Variants in RGL1 observed in about 807,000 individuals in gnomAD.
The protein encoded by RGL1 is ral guanine nucleotide dissociation stimulator-like 1.
A neutral mutation model predicts 95.2 loss-of-function variants in RGL1; 24 were observed. The observed-to-expected ratio is 0.25, with a 90% CI of 0.18 to 0.35. The LOEUF (loss-of-function observed/expected upper bound fraction) is 0.35. Ranked by LOEUF, RGL1 falls within the 10% of genes least tolerant of loss-of-function variation. The pLI, the probability that RGL1 is intolerant of heterozygous loss-of-function variation, is 1.00. For synonymous variants in RGL1, 329 were observed against 344.9 expected, an observed-to-expected ratio of 0.95 and a Z score of 0.51; for missense variants, 715 against 936.3, an observed-to-expected ratio of 0.76 and a Z score of 3.08.
intron 2 of RGL1, among the ~76,000 whole-genome samples, chr1:183,823,149 A>G (rs1662608554): frequency 6.6e-6 from 1 of 152,180 alleles, no homozygotes. Context: ...ATAAGTTAAA[A>G]ATGGTTAAAT....
chr1:183,782,602 C>T (rs983292737), intron 2 of RGL1, among the ~76,000 whole-genome samples: 3 of 152,124 alleles, frequency 2.0e-5, no homozygotes, highest in Admixed American at 6.5e-5. Context: ...CACATGAGAG[C>T]TACTCAGATA....
intron 3 of RGL1, among the ~76,000 whole-genome samples, chr1:183,859,849 G>T (rs1361774028): frequency 1.3e-5 from 2 of 152,160 alleles, no homozygotes; most frequent in South Asian, 4.1e-4. Context: ...ACCTTTCCAA[G>T]GTAGGCTTGG....
chr1:183,684,079 A>C (rs1379090787), intron 1 of RGL1, among the ~76,000 whole-genome samples: 1 of 151,934 alleles, frequency 6.6e-6, no homozygotes, highest in Non-Finnish European at 1.5e-5. Flanking sequence ...ACCTTTTTTC[A>C]AGGTTCTTAG....
chr1:183,801,482 C>T (rs1466764588), upstream of RGL1, among the ~76,000 whole-genome samples: 1 of 152,130 alleles, frequency 6.6e-6, no homozygotes, highest in East Asian at 1.9e-4. Flanking sequence ...ATTTGCTGCA[C>T]AGAAGCTTTT....
chr1:183,676,308 T>G (rs1354809699), intron 1 of RGL1, among the ~76,000 whole-genome samples: 1 of 152,146 alleles, frequency 6.6e-6, no homozygotes, highest in Non-Finnish European at 1.5e-5. Flanking sequence ...ACTATGTATG[T>G]GCACTGTATC....
chr1:183,826,362 C>T (rs1170136142), intron 2 of RGL1, among the ~76,000 whole-genome samples: 1 of 152,206 alleles, frequency 6.6e-6, no homozygotes, highest in Non-Finnish European at 1.5e-5. Context: ...CTCCTTAACA[C>T]CACTGTCTAA....
intron 1 of RGL1, among the ~76,000 whole-genome samples, chr1:183,651,316 T>C (rs185389474): frequency 6.0e-4 from 91 of 152,350 alleles, no homozygotes; most frequent in Non-Finnish European, 1.1e-3. Context: ...TGCAACAGAA[T>C]ATATTTTTCA....
chr1:183,689,525 C>G (rs1653817812), intron 1 of RGL1, among the ~76,000 whole-genome samples: 1 of 152,178 alleles, frequency 6.6e-6, no homozygotes, highest in Non-Finnish European at 1.5e-5. Flanking sequence ...ATAGTTGCTC[C>G]TTTCTATTGC....
chr1:183,788,991 T>C (rs1660315911), intron 2 of RGL1, among the ~76,000 whole-genome samples: 1 of 152,254 alleles, frequency 6.6e-6, no homozygotes. Flanking sequence ...GAGATTGTTT[T>C]CTTTGGGAAG....
intron 1 of RGL1, among the ~76,000 whole-genome samples, chr1:183,736,455 G>A (rs975640208): frequency 6.6e-6 from 1 of 152,164 alleles, no homozygotes; most frequent in Non-Finnish European, 1.5e-5. Flanking sequence ...AGAATTAACT[G>A]TAGCTTCATG....
chr1:183,740,181 C>G (rs1351854987), intron 1 of RGL1, among the ~76,000 whole-genome samples: 1 of 152,178 alleles, frequency 6.6e-6, no homozygotes, highest in Non-Finnish European at 1.5e-5. Context: ...GGACTGAAAT[C>G]TCTACATGAC....
intron 2 of RGL1, among the ~76,000 whole-genome samples, chr1:183,808,153 C>T (rs1661467384): frequency 6.6e-6 from 1 of 152,122 alleles, no homozygotes; most frequent in Non-Finnish European, 1.5e-5. Flanking sequence ...ACTCTGTAGG[C>T]CCCACATCTA....
intron 2 of RGL1, among the ~76,000 whole-genome samples, chr1:183,745,842 T>G (rs904398182): frequency 6.6e-6 from 1 of 152,180 alleles, no homozygotes; most frequent in Non-Finnish European, 1.5e-5. Flanking sequence ...TGGATTTCAG[T>G]AAATTTGTTG....
At chr1:183,801,798 A>AGAGAGGAGG (rs1661007324), upstream of RGL1, among the ~76,000 whole-genome samples, 2 of 152,220 alleles carry the variant, frequency 1.3e-5, no homozygotes, top group Non-Finnish European at 2.9e-5. Flanking sequence ...TGCAGAGATC[A>AGAGAGGAGG]CATGGTGAGA....
At chr1:183,697,562 T>G (rs754075119) in intron 1 of RGL1, among the ~76,000 whole-genome samples, 5 of 152,234 alleles carry the variant, frequency 3.3e-5, no homozygotes, top group Non-Finnish European at 5.9e-5. Context: ...ATTTTAATCA[T>G]TTTAAATTCT....
At chr1:183,643,050 T>G (rs1390057187) in intron 1 of RGL1, among the ~76,000 whole-genome samples, 1 of 152,190 alleles carries the variant, frequency 6.6e-6, no homozygotes, top group African/African-American at 2.4e-5. Context: ...TTATTTAACT[T>G]GGCATAATGT....
intron 2 of RGL1, among the ~76,000 whole-genome samples, chr1:183,772,214 C>G (rs1572393373): frequency 6.6e-6 from 1 of 152,172 alleles, no homozygotes; most frequent in South Asian, 2.1e-4. Context: ...GGTGGAGGGT[C>G]TGATTGAGCT....
intron 16 of RGL1, among the ~76,000 whole-genome samples, chr1:183,920,420 A>G (rs944381237): frequency 3.3e-5 from 5 of 152,236 alleles, no homozygotes; most frequent in South Asian, 2.1e-4. Flanking sequence ...AATTCAGTCT[A>G]TCAGCATAAG....
In RGL1 at chr1:183,724,563, G is replaced by T. The variant is rs970328548; in HGVS notation, c.-32-17563G>T. 1.1e-4 allele frequency among the ~76,000 whole-genome samples: 16 copies of T among 152,120 alleles called. No individual in the cohort carries two copies. The highest frequency in any genetic ancestry group is 2.4e-5 in the African/African-American group (1 of 41,428). On this transcript the variant is annotated intron_variant, in intron 1 of 18. Transcript: ENST00000304685. This position sits in a 1 kb window ranked among gnomAD's most constrained non-coding sequence, Gnocchi z 4.1. The stretch of plus-strand genomic sequence containing the variant: ...ACAGGCCTGTAGCAGTGGTCACCAT[G>T]AAGAGAGACTCCTCTGCTTGTGGAA...
Sources: gnomAD v4.1 joint callset for allele counts (sites outside exome capture counted in the v4.1 genomes callset) on GRCh38, gnomAD v4.1.1 for gene constraint, Gnocchi (gnomAD v3.1) non-coding constraint, MANE v1.5 for transcripts, NCBI Gene and HGNC (gene_info 2026-07-23, HGNC 2026-07-21) for gene names.